The following STIL variants were observed in gnomAD, a reference collection of about 807,000 sequenced individuals.
STIL encodes the protein STIL centriolar assembly protein, also known as SCL-interrupting locus protein.
A neutral mutation model predicts 110.1 loss-of-function variants in STIL; 55 were observed. The observed-to-expected ratio is 0.50, with a 90% CI of 0.40 to 0.63. The LOEUF (loss-of-function observed/expected upper bound fraction) is 0.63. STIL is among the 20% of genes least tolerant of loss of function. The probability of loss-of-function intolerance (pLI) is 0.00; values close to 1 mark genes in which losing one functional copy is unlikely to be tolerated. For synonymous variants in STIL, 481 were observed against 530.0 expected (o/e 0.91, Z 1.27); for missense variants, 1,358 against 1,530.0 (o/e 0.89, Z 1.87).
chr1:47,289,522 C>T lies in STIL; in HGVS notation c.936G>A (p.Glu312=), dbSNP rs1645412718. The change falls in exon 9 of 17, where the codon GAG becomes GAA. Residue 312 remains glutamate (E), a synonymous_variant. Coordinates refer to ENST00000371877, the MANE Select transcript of STIL (RefSeq NM_001048166.1). ...VLYSMTHKEP[E]FYECFPCDGK... ...CATCACAAGGGAAGCATTCATAAAA[C>T]TCAGGTTCCTTATGTGTCATAGAAT... The T allele has an allele frequency of 6.2e-7, 1 of 1,613,688 alleles. No homozygotes were observed. The highest frequency in any genetic ancestry group is 1.3e-5 in the African/African-American group (1 of 74,894).
intron 8 of STIL, among the ~76,000 whole-genome samples, chr1:47,291,669 G>A (rs1339084648): frequency 6.6e-6 from 1 of 152,052 alleles, no homozygotes; most frequent in Non-Finnish European, 1.5e-5. Flanking sequence ...GGGTGCAAGT[G>A]ATTCTCCTGC....
chr1:47,295,680 A>G, intron 7 of STIL, 85 bp downstream of exon 7: 3 of 937,694 alleles, frequency 3.2e-6, no homozygotes, highest in Non-Finnish European at 5.1e-6. Flanking sequence ...TGATCTAAAT[A>G]TTTATAGTAC....
At chr1:47,286,387 T>G (rs1044094414) in intron 10 of STIL, among the ~76,000 whole-genome samples, 5 of 151,822 alleles carry the variant, frequency 3.3e-5, no homozygotes, top group Non-Finnish European at 7.4e-5. Flanking sequence ...AAAATAACAC[T>G]GAAGACCTGC....
intron 10 of STIL, 37 bp downstream of exon 10, chr1:47,287,514 A>T (rs774604808): frequency 3.3e-5 from 44 of 1,352,084 alleles, no homozygotes; most frequent in East Asian, 7.1e-5. Context: ...TATAATTTTT[A>T]AAAAAACACA....
At position 47,276,146 on chromosome 1, in the gene STIL, C is replaced by T. The variant is rs1325741404; in HGVS notation, c.2218-3905G>A. 3.3e-5 allele frequency among the ~76,000 whole-genome samples: 5 copies of T among 151,876 alleles called. No homozygotes were observed. In the East Asian group the frequency reaches 5.9e-4, roughly 18 times the overall value. On this transcript the variant is annotated intron_variant, in intron 12 of 16. Transcript: ENST00000371877. ...GCCTCCTAAGTAGCGGGATTACAGG[C>T]GCCCACTACCACGCCCAGGTAATTT...
intron 16 of STIL, among the ~76,000 whole-genome samples, chr1:47,253,414 C>T (rs1360627327): frequency 9.9e-5 from 15 of 152,192 alleles, no homozygotes; most frequent in Admixed American, 9.8e-4. Context: ...GTCTGTTCTC[C>T]TGGCCCCCAC....
rs750945218 is a variant in STIL at position 47,301,628 on chromosome 1, T to C, written c.386A>G (p.His129Arg). Reference sequence around the variant, plus strand: ...TTCTCTTGAACAAAGTTCTTGAGTATGAACTTTGCATGGAATCAAAAAGTC... The same window carrying C: ...TTCTCTTGAACAAAGTTCTTGAGTACGAACTTTGCATGGAATCAAAAAGTC... ...PGDFLIPCKV[H>R]TQELCSREMI... The change falls in exon 5 of 17, where the codon CAT (histidine) becomes CGT (arginine). Residue 129 changes from histidine to arginine, a missense_variant. Coordinates refer to ENST00000371877, the MANE Select transcript of STIL (RefSeq NM_001048166.1). 2.5e-6 allele frequency: 4 copies of C among 1,614,020 alleles called. No homozygotes were observed. In the East Asian group the frequency reaches 6.7e-5, roughly 27 times the overall value.
In STIL at chr1:47,260,631, G is replaced by C. The variant is rs1644458320; in HGVS notation, c.2830-92C>G. ...TTCACACCTATAATCCCAGCACTTT[G>C]GGAAGCCAAGGCAGGAAGATCGCTT... On this transcript the variant is annotated intron_variant, in intron 15 of 16. Coordinates refer to ENST00000371877, the MANE Select transcript of STIL (RefSeq NM_001048166.1). 5.2e-6 allele frequency: 7 copies of C among 1,341,910 alleles called. No individual in the cohort carries two copies. In the East Asian group the frequency reaches 1.6e-4, roughly 31 times the overall value. 83.1% of individuals were successfully genotyped at this position (1,341,910 alleles called of 1,614,324 possible).
In STIL at chr1:47,280,923, T is replaced by C; in HGVS notation, c.1535A>G (p.Lys512Arg). Residue 512 changes from lysine to arginine, a missense_variant, in exon 12 of 17, where the codon AAG becomes AGG. By Grantham distance (26) the Lys-to-Arg change is conservative (BLOSUM62 2). Transcript: ENST00000371877. ...GTTCCTGGTATGGGGGTTCCCTTTCTTATAGGCAGGTGGCTGTCTTACTTT... is the reference window on the plus strand; with the variant it reads ...GTTCCTGGTATGGGGGTTCCCTTTCCTATAGGCAGGTGGCTGTCTTACTTT... ...HCKVRQPPAY[K>R]KGNPHTRNSI... The C allele has an allele frequency of 6.2e-7, 1 of 1,614,184 alleles. No individual in the cohort carries two copies. Among genetic ancestry groups the C allele is most frequent in the Non-Finnish European group, 8.5e-7 (1 of 1,180,032 alleles).
rs149586026 is a variant in STIL at position 47,306,020 on chromosome 1, C to T, written c.45-1024G>A. On this transcript the variant is annotated intron_variant, in intron 2 of 16. Transcript: ENST00000371877. Reference sequence around the variant, plus strand: ...TGCTGGGATTACAGGCGTAAGCCACCGCGCCCGGCCCAAAAAATATTTTTT... The same window carrying T: ...TGCTGGGATTACAGGCGTAAGCCACTGCGCCCGGCCCAAAAAATATTTTTT... 3.8e-3 allele frequency among the ~76,000 whole-genome samples: 576 copies of T among 152,070 alleles called. 2 individuals carry two copies. The highest frequency in any genetic ancestry group is 6.0e-3 in the Non-Finnish European group (405 of 67,988).
chr1:47,285,012 T>C lies in STIL; in HGVS notation c.1133+2539A>G, dbSNP rs1055155016. On this transcript the variant is annotated intron_variant, in intron 10 of 16. Transcript: ENST00000371877. The stretch of plus-strand genomic sequence containing the variant: ...CAGCCTACCAGCCTACCTGTAGACA[T>C]TTTTTGTCTTTTTTTTTTTTTTTTT... Among the ~76,000 whole-genome samples the C allele has an allele frequency of 1.7e-4, 22 of 129,294 alleles. 1 individual carries two copies. In the East Asian group the frequency reaches 3.1e-3, roughly 18 times the overall value. 84.8% of individuals were successfully genotyped at this position (129,294 alleles called of 152,430 possible). A position where few individuals can be genotyped will look rare whatever the true frequency, so the allele number is the denominator to read the frequency against.
chr1:47,302,900 A>T (rs1000234864), intron 3 of STIL, among the ~76,000 whole-genome samples: 1 of 152,088 alleles, frequency 6.6e-6, no homozygotes, highest in Non-Finnish European at 1.5e-5. Flanking sequence ...TTGTGTGAAT[A>T]TGGTCTGTCT....
At position 47,280,606 on chromosome 1, in the gene STIL, T is replaced by C. The variant is rs779784001; in HGVS notation, c.1852A>G (p.Asn618Asp). The C allele has an allele frequency of 1.2e-6, 2 of 1,614,230 alleles. No individual in the cohort carries two copies. The highest frequency in any genetic ancestry group is 1.7e-6 in the Non-Finnish European group (2 of 1,180,046). The change falls in exon 12 of 17, where the codon AAT becomes GAT. Residue 618 changes from asparagine to aspartate, a missense_variant. Transcript: ENST00000371877. ...HHSHIQYSPLNSWQGANTVGS... is the reference protein window; with the variant it reads ...HHSHIQYSPLDSWQGANTVGS... Reference sequence around the variant, plus strand: ...ACTGTGTTTGCTCCTTGCCAAGAATTTAGCGGACTATATTGAATATGACTA... The same window carrying C: ...ACTGTGTTTGCTCCTTGCCAAGAATCTAGCGGACTATATTGAATATGACTA...
chr1:47,275,141 G>A (rs1470395356), intron 12 of STIL, among the ~76,000 whole-genome samples: 3 of 84,226 alleles, frequency 3.6e-5, no homozygotes, highest in African/African-American at 1.6e-4. Flanking sequence ...GCAAGACTCT[G>A]TCTCATCAAC....
At chr1:47,269,198 G>A (rs1644747744) in intron 14 of STIL, among the ~76,000 whole-genome samples, 1 of 151,906 alleles carries the variant, frequency 6.6e-6, no homozygotes, top group African/African-American at 2.4e-5. Flanking sequence ...TCCGATTTCT[G>A]ATTCATCCAG....
intron 16 of STIL, 148 bp downstream of exon 16, chr1:47,260,141 C>T: frequency 1.3e-6 from 1 of 753,066 alleles, no homozygotes; most frequent in Non-Finnish European, 2.1e-6. Flanking sequence ...CGTGAATCAA[C>T]TCAATTGAGG....
chr1:47,282,704 T>A (rs1490612292), intron 10 of STIL: 1 of 428,004 alleles, frequency 2.3e-6, no homozygotes, highest in African/African-American at 2.0e-5. Context: ...ATTGTTAATG[T>A]CACAATAAAT....
rs767476433 is a variant in STIL, at chr1:47,280,505, C to T, written c.1953G>A (p.Leu651=). The T allele has an allele frequency of 1.2e-6, 2 of 1,614,258 alleles. No homozygotes were observed. The highest frequency in any genetic ancestry group is 2.2e-5 in the South Asian group (2 of 91,092). ...SLFHPSGCPA[L]YCNAFCSSSS... The stretch of plus-strand genomic sequence containing the variant: ...TTGAAGAACAGAATGCATTACAGTA[C>T]AGGGCTGGACATCCACTTGGGTGAA... The change falls in exon 12 of 17, where the codon CTG becomes CTA. Residue 651 remains leucine (L), a synonymous_variant. Transcript: ENST00000371877.
chr1:47,264,287 TC>T (rs1224959781), intron 14 of STIL, among the ~76,000 whole-genome samples: 2 of 152,066 alleles, frequency 1.3e-5, no homozygotes, highest in African/African-American at 2.4e-5. Flanking sequence ...GAGTTTCCAG[TC>T]CTCAGAACAA....
Sources: allele counts gnomAD v4.1 joint callset (sites outside exome capture counted in the v4.1 genomes callset), GRCh38; gene constraint gnomAD v4.1.1; transcripts MANE v1.5; gene names NCBI Gene and HGNC (gene_info 2026-07-23, HGNC 2026-07-21).